DHRS2: variants seen among roughly 807,000 people sequenced by gnomAD.
DHRS2 encodes the protein dehydrogenase/reductase 2, also known as dehydrogenase/reductase SDR family member 2, mitochondrial.
Under a neutral mutation model 26.3 loss-of-function variants are expected in DHRS2, and 29 were observed. The observed-to-expected ratio is 1.10, with a 90% confidence interval of 0.82 to 1.50. The LOEUF (loss-of-function observed/expected upper bound fraction) is 1.50. Among genes scored for constraint, DHRS2 ranks in the 40% most tolerant of loss-of-function variants. The pLI is 0.00. For synonymous variants in DHRS2, 164 were observed against 151.3 expected (o/e 1.08, Z -0.62); for missense variants, 439 against 367.1 (o/e 1.20, Z -1.60).
chr14:23,639,064 G>C, intron 2 of DHRS2, 60 bp downstream of exon 2: 1 of 1,596,568 alleles, frequency 6.3e-7, no homozygotes, highest in Admixed American at 1.7e-5. Flanking sequence ...GCTTCCACAA[G>C]GACTCAGGGT....
chr14:23,642,804 G>A (rs759534705), intron 4 of DHRS2: 5 of 212,482 alleles, frequency 2.4e-5, no homozygotes, highest in Non-Finnish European at 4.8e-5. Context: ...TTGGCCTTGA[G>A]TAATCCTCCC....
In DHRS2 at chr14:23,637,666, T is replaced by C. The variant is rs147617029; in HGVS notation, c.-39+894T>C. Among the ~76,000 whole-genome samples, 398 of 152,284 alleles carry C rather than the reference T, an allele frequency of 2.6e-3. 2 individuals carry two copies. The highest frequency in any genetic ancestry group is 9.2e-3 in the African/African-American group (382 of 41,558). On this transcript the variant is annotated intron_variant, in intron 1 of 8. Transcript: ENST00000250383. Reference sequence around the variant, plus strand: ...GGTAAGGGCCACTAAATCCGATTTTTCTCGGTCCTCCTCATGGTCTAGGAG... The same window carrying C: ...GGTAAGGGCCACTAAATCCGATTTTCCTCGGTCCTCCTCATGGTCTAGGAG...
In DHRS2 at chr14:23,637,715, A is replaced by G. The variant is rs144548198; in HGVS notation, c.-39+943A>G. Among the ~76,000 whole-genome samples the G allele has an allele frequency of 3.3e-3, 496 of 152,260 alleles. 2 individuals carry two copies. Among genetic ancestry groups the G allele is most frequent in the African/African-American group, 0.012 (480 of 41,566 alleles). ...AGGACAAGCAAGGGTGCAGCACTCT[A>G]TGTCTAGCTAATCAGGTGGGGACTT... On this transcript the variant is annotated intron_variant, in intron 1 of 8. Coordinates refer to ENST00000250383, the MANE Select transcript of DHRS2 (RefSeq NM_005794.4).
Position 23,639,835 on chromosome 14 carries a change from C to T in DHRS2, c.360C>T (p.Ser120=), listed in dbSNP as rs143798758. The T allele has an allele frequency of 1.8e-4, 282 of 1,610,528 alleles. 1 individual carries two copies. The African/African-American group carries it at 2.0e-3, about 11-fold the overall frequency. The change falls in exon 4 of 9, where the codon AGC becomes AGT. Residue 120 remains serine (S), a synonymous_variant. Coordinates refer to ENST00000250383, the MANE Select transcript of DHRS2 (RefSeq NM_005794.4). The stretch of plus-strand genomic sequence containing the variant: ...GGGGCGTCGACTTCCTGGTGTGCAG[C>T]GCAGGGGTCAACCCTCTGGTAGGGA... ...HCGGVDFLVC[S]AGVNPLVGST...
chr14:23,637,609 T>G (rs1421495905), intron 1 of DHRS2, among the ~76,000 whole-genome samples: 1 of 152,132 alleles, frequency 6.6e-6, no homozygotes, highest in Non-Finnish European at 1.5e-5. Context: ...AGGAGAATGC[T>G]TAGGACTCTA....
rs1445349026 is a variant in DHRS2 at position 23,639,915 on chromosome 14, G to A, written c.420+20G>A. 1 of 1,551,820 alleles carries A rather than the reference G, an allele frequency of 6.4e-7. No individual in the cohort carries two copies. The highest frequency in any genetic ancestry group is 1.4e-5 in the African/African-American group (1 of 71,766). ...GACAAGGTGAGAGGCCTCCCCTGGG[G>A]AGGCGGCTGAGGGCCCGATTCCAGC... On this transcript the variant is annotated intron_variant, in intron 4 of 8. Transcript: ENST00000250383.
chr14:23,645,052 A>G (rs1890821343), intron 8 of DHRS2, 90 bp from the exon 9 acceptor site: 3 of 1,595,226 alleles, frequency 1.9e-6, no homozygotes, highest in Non-Finnish European at 2.6e-6. Flanking sequence ...CTTGTTCCCC[A>G]TGGAGCCCAC....
chr14:23,645,161 T>G lies in DHRS2; in HGVS notation c.751T>G (p.Cys251Gly). ...ATCCAGGATTGGGGAGTCAGAGGAC[T>G]GTGCAGGAATCGTGTCCTTCCTGTG... is the stretch of plus-strand genomic sequence containing the variant. ...QLQRIGESED[C>G]AGIVSFLCSP... The change falls in exon 9 of 9, where the codon TGT becomes GGT. Residue 251 changes from cysteine (C) to glycine (G), a missense_variant. Coordinates refer to ENST00000250383, the MANE Select transcript of DHRS2 (RefSeq NM_005794.4). 6.2e-7 allele frequency: 1 copy of G among 1,614,126 alleles called. No individual in the cohort carries two copies. Among genetic ancestry groups the G allele is most frequent in the Non-Finnish European group, 8.5e-7 (1 of 1,179,982 alleles).
In DHRS2 at chr14:23,644,849, G is replaced by T; in HGVS notation, c.698G>T (p.Trp233Leu). 1 of 1,614,192 alleles carries T rather than the reference G, an allele frequency of 6.2e-7. No individual in the cohort carries two copies. Among genetic ancestry groups the T allele is most frequent in the South Asian group, 1.1e-5 (1 of 91,088 alleles). ...SKVFHGNESL[W>L]KNFKEHHQLQ... Reference sequence around the variant, plus strand: ...CAGTTTCATGGGAATGAGTCTCTCTGGAAGAACTTCAAGGAACATCATCAG... The same window carrying T: ...CAGTTTCATGGGAATGAGTCTCTCTTGAAGAACTTCAAGGAACATCATCAG... Residue 233 changes from tryptophan (W) to leucine (L), a missense_variant, in exon 8 of 9, where the codon TGG becomes TTG. Transcript: ENST00000250383.
At chr14:23,637,387 G>A (rs1890370908) in intron 1 of DHRS2, among the ~76,000 whole-genome samples, 1 of 152,194 alleles carries the variant, frequency 6.6e-6, no homozygotes, top group South Asian at 2.1e-4. Context: ...TGGAATTTTA[G>A]AATCCCTCCT....
At chr14:23,635,182 T>C (rs1890239125), upstream of DHRS2, among the ~76,000 whole-genome samples, 1 of 151,850 alleles carries the variant, frequency 6.6e-6, no homozygotes, top group Non-Finnish European at 1.5e-5. Flanking sequence ...CCCATCTTAG[T>C]CTCCCGAGTA....
At chr14:23,635,602 T>C (rs1479033564), upstream of DHRS2, among the ~76,000 whole-genome samples, 1 of 152,196 alleles carries the variant, frequency 6.6e-6, no homozygotes, top group Non-Finnish European at 1.5e-5. Context: ...AGAGTTTCTG[T>C]TGATTTTGCT....
intron 4 of DHRS2, chr14:23,641,699 G>T (rs1334318634): frequency 7.8e-7 from 1 of 1,289,806 alleles, no homozygotes. Flanking sequence ...CTGACATCTG[G>T]ACCACTTCTT....
intron 4 of DHRS2, chr14:23,640,351 C>G: frequency 3.0e-6 from 3 of 985,506 alleles, no homozygotes; most frequent in Non-Finnish European, 3.6e-6. Flanking sequence ...AAGGGGGCTC[C>G]TCACTGAGTC....
chr14:23,636,240 C>G (rs1362475207), upstream of DHRS2: 1 of 152,162 alleles, frequency 6.6e-6, no homozygotes, highest in Non-Finnish European at 1.5e-5. Context: ...AATCAGCTCT[C>G]TGTAAAACAG....
rs148532739 is a variant in DHRS2, at chr14:23,637,501, T to C, written c.-39+729T>C. 3.1e-3 allele frequency among the ~76,000 whole-genome samples: 468 copies of C among 152,278 alleles called. 2 individuals are homozygous for C. Among genetic ancestry groups the C allele is most frequent in the African/African-American group, 0.011 (452 of 41,560 alleles). On this transcript the variant is annotated intron_variant, in intron 1 of 8. Coordinates refer to ENST00000250383, the MANE Select transcript of DHRS2 (RefSeq NM_005794.4). The stretch of plus-strand genomic sequence containing the variant: ...ATAAGTGAGGACAAAAGGTGTCACT[T>C]TTCCAACCCTGGAGACCCCTTCCCT...
Position 23,643,222 on chromosome 14 carries a change from A to G in DHRS2, c.488+3A>G. ...TTGCTGCCCTACATGGAGAACAGGT[A>G]TGGCAGGGCGGGGGTGGGGACCAGT... On this transcript the variant is annotated splice_donor_region_variant and intron_variant, in intron 5 of 8. Transcript: ENST00000250383. The G allele has an allele frequency of 6.2e-7, 1 of 1,613,774 alleles. No homozygotes were observed. The highest frequency in any genetic ancestry group is 2.2e-5 in the East Asian group (1 of 44,868).
chr14:23,634,416 A>C (rs1466172548), upstream of DHRS2, among the ~76,000 whole-genome samples: 1 of 151,894 alleles, frequency 6.6e-6, no homozygotes, highest in African/African-American at 2.4e-5. Context: ...CTACTGCGGA[A>C]ATACCCACTC....
rs1393218700 is a variant in DHRS2, at chr14:23,644,156, A to T, written c.534A>T (p.Pro178=). 1.2e-6 allele frequency: 2 copies of T among 1,613,988 alleles called. No homozygotes were observed. Among genetic ancestry groups the T allele is most frequent in the Non-Finnish European group, 1.7e-6 (2 of 1,180,016 alleles). ...TCTCTTCCATTGCAGCTTATAATCC[A>T]GTAGTGGTAAGTGCTTGGTCCTTGT... ...ILVSSIAAYN[P]VVALGVYNVS... Residue 178 remains proline (P), a synonymous_variant, in exon 6 of 9, where the codon CCA becomes CCT. Coordinates refer to ENST00000250383, the MANE Select transcript of DHRS2 (RefSeq NM_005794.4).
Sources: allele counts gnomAD v4.1 joint callset (sites outside exome capture counted in the v4.1 genomes callset), GRCh38; gene constraint gnomAD v4.1.1; transcripts MANE v1.5; gene names NCBI Gene and HGNC (gene_info 2026-07-23, HGNC 2026-07-21).